The following CDH12 variants were observed in gnomAD, a reference collection of about 807,000 sequenced individuals.
CDH12 encodes the protein cadherin-12.
CDH12 carries 41 observed loss-of-function variants against 74.1 expected under a neutral mutation model. The observed-to-expected ratio is 0.55, with a 90% CI of 0.43 to 0.72. The LOEUF (loss-of-function observed/expected upper bound fraction) is 0.72, where lower values mean the gene tolerates loss of function less well. Among genes scored for constraint, CDH12 ranks in the 30% least tolerant of loss-of-function variants. The probability of loss-of-function intolerance (pLI) is 0.00; values close to 1 mark genes in which losing one functional copy is unlikely to be tolerated. For synonymous variants in CDH12, 399 were observed against 355.0 expected (o/e 1.12, Z -1.39); for missense variants, 945 against 977.2 (o/e 0.97, Z 0.44).
At chr5:21,834,713 G>A (rs1395775660) in intron 8 of CDH12, among the ~76,000 whole-genome samples, 2 of 151,520 alleles carry the variant, frequency 1.3e-5, no homozygotes, top group African/African-American at 4.9e-5. Flanking sequence ...ACCTGCTTTC[G>A]ATTAAGGAAA....
chr5:22,210,833 TAA>T lies in CDH12; in HGVS notation c.-187+1663_-187+1664del, dbSNP rs34486582. 6.9e-5 allele frequency among the ~76,000 whole-genome samples: 10 copies of T among 144,466 alleles called. No individual in the cohort carries two copies. In the East Asian group the frequency reaches 1.4e-3, roughly 20 times the overall value. 94.8% of individuals were successfully genotyped at this position (144,466 alleles called of 152,430 possible). On this transcript the variant is annotated intron_variant, in intron 4 of 14. Transcript: ENST00000382254. ...GCCTCTTTCTGTTTATCAAGTTGCT[TAA>T]AAAAAAAAAAATAAGAAGCCAAAGA...
chr5:22,273,384 A>G (rs1276113574), intron 3 of CDH12, among the ~76,000 whole-genome samples: 1 of 152,244 alleles, frequency 6.6e-6, no homozygotes, highest in East Asian at 1.9e-4. Flanking sequence ...CAATTTGTAA[A>G]TAATGCAGTA....
At chr5:22,743,756 C>T (rs1490250902) in intron 1 of CDH12, among the ~76,000 whole-genome samples, 1 of 152,034 alleles carries the variant, frequency 6.6e-6, no homozygotes, top group African/African-American at 2.4e-5. Context: ...CAATTTTTTT[C>T]TCTACTTCAT....
chr5:22,357,289 G>A (rs1239080717), intron 3 of CDH12, among the ~76,000 whole-genome samples: 7 of 151,990 alleles, frequency 4.6e-5, no homozygotes, highest in Non-Finnish European at 8.8e-5. Flanking sequence ...CTGATTTCTA[G>A]TGTTTACTTA....
At chr5:22,403,892 C>T (rs1357053620) in intron 3 of CDH12, among the ~76,000 whole-genome samples, 1 of 152,034 alleles carries the variant, frequency 6.6e-6, no homozygotes, top group Non-Finnish European at 1.5e-5. Flanking sequence ...AAATGACCAT[C>T]ATTACACAAT....
At chr5:22,751,219 T>A (rs572777173) in intron 1 of CDH12, among the ~76,000 whole-genome samples, 2 of 151,384 alleles carry the variant, frequency 1.3e-5, no homozygotes, top group Non-Finnish European at 2.9e-5. Context: ...ATGTAATTTA[T>A]TTAAGATGGG....
At chr5:22,204,335 T>A (rs933952890) in intron 4 of CDH12, among the ~76,000 whole-genome samples, 1 of 152,184 alleles carries the variant, frequency 6.6e-6, no homozygotes, top group African/African-American at 2.4e-5. Context: ...TAGTTTTTTG[T>A]ATTTTTAGTA....
At chr5:22,553,695 C>A (rs1738676321) in intron 1 of CDH12, among the ~76,000 whole-genome samples, 1 of 152,256 alleles carries the variant, frequency 6.6e-6, no homozygotes, top group Non-Finnish European at 1.5e-5. Flanking sequence ...AATATCACTT[C>A]TTCCCAAATT....
intron 3 of CDH12, among the ~76,000 whole-genome samples, chr5:22,335,595 A>C (rs551853548): frequency 2.3e-4 from 35 of 151,902 alleles, no homozygotes; most frequent in Middle Eastern, 3.4e-3. Context: ...AAAAGAAAAA[A>C]AAAAACAAAA....
chr5:21,875,174 C>A (rs1400105480), intron 6 of CDH12, among the ~76,000 whole-genome samples: 4 of 152,126 alleles, frequency 2.6e-5, no homozygotes, highest in Non-Finnish European at 5.9e-5. Context: ...TGTGGCTAAT[C>A]TTTCTAAAAG....
intron 6 of CDH12, among the ~76,000 whole-genome samples, chr5:21,862,590 C>A (rs1479705065): frequency 6.6e-6 from 1 of 152,016 alleles, no homozygotes; most frequent in Non-Finnish European, 1.5e-5. Flanking sequence ...CATTTGTATA[C>A]TATGCACCAG....
chr5:22,719,242 C>A (rs998289061), intron 1 of CDH12, among the ~76,000 whole-genome samples: 12 of 152,068 alleles, frequency 7.9e-5, no homozygotes, highest in African/African-American at 2.9e-4. Flanking sequence ...GAGTTGGCAT[C>A]CCTGCTTGTT....
chr5:21,815,685 C>T (rs181751979), intron 9 of CDH12, among the ~76,000 whole-genome samples: 141 of 152,246 alleles, frequency 9.3e-4, no homozygotes, highest in African/African-American at 3.1e-3. Context: ...AGCTCTCTCA[C>T]GTCCATTACT....
intron 2 of CDH12, among the ~76,000 whole-genome samples, chr5:22,479,456 C>G (rs1188898583): frequency 6.6e-6 from 1 of 152,196 alleles, no homozygotes; most frequent in Admixed American, 6.5e-5. Context: ...AGCCTCGATG[C>G]ACTGCATAAG....
intron 4 of CDH12, among the ~76,000 whole-genome samples, chr5:22,100,533 C>T (rs1744078762): frequency 6.6e-6 from 1 of 151,948 alleles, no homozygotes; most frequent in African/African-American, 2.4e-5. Flanking sequence ...TTAAGTTTAA[C>T]TCTTGATGTG....
chr5:22,394,467 G>A (rs1328689619), intron 3 of CDH12, among the ~76,000 whole-genome samples: 1 of 152,096 alleles, frequency 6.6e-6, no homozygotes, highest in East Asian at 1.9e-4. Context: ...TCAAGGAAAA[G>A]GAAGAATTAC....
Position 22,327,317 on chromosome 5 carries a change from G to A in CDH12, c.-333+77940C>T, listed in dbSNP as rs113998522. Among the ~76,000 whole-genome samples, 966 of 152,000 alleles carry A rather than the reference G, an allele frequency of 6.4e-3. 7 individuals are homozygous for A. Among genetic ancestry groups the A allele is most frequent in the African/African-American group, 0.022 (922 of 41,450 alleles). On this transcript the variant is annotated intron_variant, in intron 3 of 14. Transcript: ENST00000382254. ...TTATTATAAAAAAATAAACAAAAAT[G>A]TCATCAATTAAAATGGTAATTTTTT... is the stretch of plus-strand genomic sequence containing the variant.
At chr5:22,116,824 T>C (rs1019765395) in intron 4 of CDH12, among the ~76,000 whole-genome samples, 2 of 150,522 alleles carry the variant, frequency 1.3e-5, no homozygotes, top group Admixed American at 6.6e-5. Flanking sequence ...CAGTGACAGA[T>C]GCTATCTTCG....
chr5:22,093,163 T>G (rs960935101), intron 4 of CDH12, among the ~76,000 whole-genome samples: 3 of 152,156 alleles, frequency 2.0e-5, no homozygotes, highest in African/African-American at 7.2e-5. Context: ...CAGCTTGGAT[T>G]TCATAACCAC....
Sources: gnomAD v4.1 joint callset for allele counts (sites outside exome capture counted in the v4.1 genomes callset) on GRCh38, gnomAD v4.1.1 for gene constraint, MANE v1.5 for transcripts, NCBI Gene and HGNC (gene_info 2026-07-23, HGNC 2026-07-21) for gene names.